DPYD: variants seen among roughly 807,000 people sequenced by gnomAD.
DPYD encodes dihydropyrimidine dehydrogenase [NADP(+)].
DPYD carries 109 observed loss-of-function variants against 116.2 expected under a neutral mutation model. That is an observed-to-expected ratio of 0.94 (90% CI 0.80 to 1.10). The LOEUF (loss-of-function observed/expected upper bound fraction) is 1.10, where lower values mean the gene tolerates loss of function less well. DPYD is among the 50% of genes least tolerant of loss of function. DPYD has a pLI of 0.00. For missense variants in DPYD, 1,302 were observed against 1,254.5 expected (o/e 1.04, Z -0.57); for synonymous variants, 440 against 432.0 (o/e 1.02, Z -0.23).
At chr1:97,430,370 C>CGTAG (rs1301731457) in intron 14 of DPYD, among the ~76,000 whole-genome samples, 1 of 152,070 alleles carries the variant, frequency 6.6e-6, no homozygotes, top group Non-Finnish European at 1.5e-5. Flanking sequence ...CCTAACAAGG[C>CGTAG]CTACGGGACA....
In DPYD at chr1:97,180,823, T is replaced by A. The variant is rs189492745; in HGVS notation, c.2622+12246A>T. On this transcript the variant is annotated intron_variant, in intron 20 of 22. Coordinates refer to ENST00000370192, the MANE Select transcript of DPYD (RefSeq NM_000110.4). ...ACTGCATTTGTGTTTGGCAATTTGA[T>A]GTAGTAAGGAGAAATGGGGAATCAT... Among the ~76,000 whole-genome samples the A allele has an allele frequency of 3.3e-5, 5 of 152,258 alleles. No individual in the cohort carries two copies. In the East Asian group the frequency reaches 9.7e-4, roughly 29 times the overall value.
chr1:97,467,881 T>A (rs1677419205), intron 13 of DPYD, among the ~76,000 whole-genome samples: 1 of 152,206 alleles, frequency 6.6e-6, no homozygotes, highest in African/African-American at 2.4e-5. Flanking sequence ...AACAAGATTT[T>A]TCTGGAGTGC....
chr1:97,316,066 C>T (rs555416992), intron 16 of DPYD, among the ~76,000 whole-genome samples: 18 of 152,000 alleles, frequency 1.2e-4, no homozygotes, highest in Non-Finnish European at 1.9e-4. Context: ...GGATAAAGGA[C>T]ATGATGCCTT....
chr1:97,089,405 G>A (rs1570435747), intron 21 of DPYD, among the ~76,000 whole-genome samples: 1 of 152,128 alleles, frequency 6.6e-6, no homozygotes, highest in African/African-American at 2.4e-5. Flanking sequence ...TTCTCTCAGC[G>A]AGGAAACGAA....
rs56030414 is a variant in DPYD, at chr1:97,518,775, C to T, written c.1525-2834G>A. 3.7e-3 allele frequency among the ~76,000 whole-genome samples: 557 copies of T among 151,996 alleles called. 2 individuals are homozygous for T. The highest frequency in any genetic ancestry group is 0.013 in the African/African-American group (539 of 41,464). On this transcript the variant is annotated intron_variant, in intron 12 of 22. Coordinates refer to ENST00000370192, the MANE Select transcript of DPYD (RefSeq NM_000110.4). Reference sequence around the variant, plus strand: ...ACAATGGGGATAGGTTCCATAATGGCTATATTGTAAAAAGGAATGCTATGC... The same window carrying T: ...ACAATGGGGATAGGTTCCATAATGGTTATATTGTAAAAAGGAATGCTATGC...
At chr1:97,574,021 A>G in intron 10 of DPYD, 51 bp from the exon 11 acceptor site, 1 of 1,596,620 alleles carries the variant, frequency 6.3e-7, no homozygotes, top group Non-Finnish European at 8.5e-7. Flanking sequence ...CTTATTCCAC[A>G]CAGTATTTGA....
chr1:97,296,071 C>A (rs183035493), intron 18 of DPYD: 3 of 151,784 alleles, frequency 2.0e-5, no homozygotes, highest in African/African-American at 7.3e-5. Flanking sequence ...CCCTTACTTT[C>A]GAAAAAAAGC....
chr1:97,301,660 G>T (rs904684250), intron 18 of DPYD, among the ~76,000 whole-genome samples: 10 of 151,950 alleles, frequency 6.6e-5, no homozygotes, highest in Non-Finnish European at 1.5e-4. Flanking sequence ...AAAAATGCTT[G>T]AATACTGTTT....
At chr1:97,444,243 C>G (rs1675953069) in intron 14 of DPYD, among the ~76,000 whole-genome samples, 1 of 152,098 alleles carries the variant, frequency 6.6e-6, no homozygotes, top group Non-Finnish European at 1.5e-5. Context: ...AACACATATT[C>G]TTAATTTCTC....
At chr1:97,542,109 T>C (rs1331172989) in intron 12 of DPYD, among the ~76,000 whole-genome samples, 1 of 152,196 alleles carries the variant, frequency 6.6e-6, no homozygotes, top group East Asian at 1.9e-4. Flanking sequence ...TCCTACCACA[T>C]TACCTACTCC....
chr1:97,433,872 T>C (rs530207120), intron 14 of DPYD, among the ~76,000 whole-genome samples: 2 of 152,310 alleles, frequency 1.3e-5, no homozygotes, highest in South Asian at 2.1e-4. Context: ...TATGGTGTTA[T>C]ATGTCATTTC....
At chr1:97,530,964 A>G (rs1649575973) in intron 12 of DPYD, among the ~76,000 whole-genome samples, 2 of 152,174 alleles carry the variant, frequency 1.3e-5, no homozygotes, top group Admixed American at 1.3e-4. Flanking sequence ...AAATTGGACT[A>G]TTTAAATATT....
chr1:97,401,412 C>G (rs932628473), intron 14 of DPYD, among the ~76,000 whole-genome samples: 2 of 151,980 alleles, frequency 1.3e-5, no homozygotes, highest in African/African-American at 4.8e-5. Flanking sequence ...CTCCCAGATT[C>G]AAGCGATTCT....
intron 16 of DPYD, among the ~76,000 whole-genome samples, chr1:97,354,134 T>G (rs1670291835): frequency 1.3e-5 from 2 of 152,330 alleles, no homozygotes; most frequent in Middle Eastern, 3.4e-3. Flanking sequence ...ACGGCAGGTG[T>G]CAGGTGTTGT....
intron 2 of DPYD, among the ~76,000 whole-genome samples, chr1:97,850,663 T>C (rs960197763): frequency 2.0e-5 from 3 of 152,016 alleles, no homozygotes; most frequent in African/African-American, 4.8e-5. Flanking sequence ...TCATGACAGA[T>C]AAAAACACAG....
chr1:97,818,642 T>C (rs1668759682), intron 3 of DPYD, among the ~76,000 whole-genome samples: 3 of 152,048 alleles, frequency 2.0e-5, no homozygotes, highest in African/African-American at 7.2e-5. Flanking sequence ...TTTGGGCCAT[T>C]TGAGCAGTGA....
chr1:97,156,626 G>A (rs1026184496), intron 20 of DPYD, among the ~76,000 whole-genome samples: 2 of 152,160 alleles, frequency 1.3e-5, no homozygotes, highest in Non-Finnish European at 2.9e-5. Context: ...AACAGGTGCT[G>A]GAGAGGATGT....
At chr1:97,206,382 T>C (rs1340464710) in intron 19 of DPYD, among the ~76,000 whole-genome samples, 2 of 151,880 alleles carry the variant, frequency 1.3e-5, no homozygotes, top group Admixed American at 6.6e-5. Context: ...TATGTCTACA[T>C]GTAGCACCAC....
intron 3 of DPYD, among the ~76,000 whole-genome samples, chr1:97,763,432 T>G (rs949053597): frequency 6.6e-6 from 1 of 151,938 alleles, no homozygotes. Flanking sequence ...CTTTTTTCTG[T>G]TTCTCTCATT....
Sources: gnomAD v4.1 joint callset for allele counts (sites outside exome capture counted in the v4.1 genomes callset) on GRCh38, gnomAD v4.1.1 for gene constraint, MANE v1.5 for transcripts, NCBI Gene and HGNC (gene_info 2026-07-23, HGNC 2026-07-21) for gene names.